The following DOCK4 variants were observed in gnomAD, a reference collection of about 807,000 sequenced individuals.
DOCK4 encodes dedicator of cytokinesis protein 4.
Under a neutral mutation model 268.1 loss-of-function variants are expected in DOCK4, and 97 were observed. That is an observed-to-expected ratio of 0.36 (90% CI 0.31 to 0.43). DOCK4 has a LOEUF of 0.43. Among genes scored for constraint, DOCK4 ranks in the 20% least tolerant of loss-of-function variants. The pLI is 1.00. For missense variants in DOCK4, 2,145 were observed against 2,455.7 expected (o/e 0.87, Z 2.67); for synonymous variants, 954 against 887.2 (o/e 1.08, Z -1.34).
chr7:111,747,975 C>A (rs1417648834), intron 42 of DOCK4, among the ~76,000 whole-genome samples: 1 of 152,088 alleles, frequency 6.6e-6, no homozygotes, highest in East Asian at 1.9e-4. Flanking sequence ...GGATGGCACA[C>A]AGTTGGGAAT....
In DOCK4 at chr7:111,920,921, T is replaced by C. The variant is rs376571159; in HGVS notation, c.1067-5017A>G. Among the ~76,000 whole-genome samples, 16 of 152,236 alleles carry C rather than the reference T, an allele frequency of 1.1e-4. No individual in the cohort carries two copies. In the East Asian group the frequency reaches 2.7e-3, roughly 26 times the overall value. The stretch of plus-strand genomic sequence containing the variant: ...TTTTATTGGAATTTATGACAACCTG[T>C]AAAATTAGATTAAATCTGAATTTCA... On this transcript the variant is annotated intron_variant, in intron 12 of 52. Coordinates refer to ENST00000428084, the MANE Select transcript of DOCK4 (RefSeq NM_001363540.2).
At chr7:112,205,975 C>T in intron 1 of DOCK4, 127 bp downstream of exon 1, 2 of 1,086,396 alleles carry the variant, frequency 1.8e-6, no homozygotes, top group Non-Finnish European at 2.7e-6. Flanking sequence ...AAGCCCCGTA[C>T]CAGCTGCGCG....
intron 1 of DOCK4, among the ~76,000 whole-genome samples, chr7:112,190,478 G>A (rs577381282): frequency 1.3e-5 from 2 of 152,110 alleles, no homozygotes; most frequent in Non-Finnish European, 2.9e-5. Context: ...GTCAGCCCAG[G>A]AAGCATTTCA....
intron 23 of DOCK4, among the ~76,000 whole-genome samples, chr7:111,854,095 T>C (rs1804809258): frequency 1.3e-5 from 2 of 152,104 alleles, no homozygotes. Context: ...TGCACCTGGC[T>C]AATTTTTATA....
chr7:112,047,281 A>G (rs1240812190), intron 1 of DOCK4, among the ~76,000 whole-genome samples: 1 of 152,224 alleles, frequency 6.6e-6, no homozygotes, highest in African/African-American at 2.4e-5. Context: ...GAGTATTTAC[A>G]GATATTCAAA....
intron 1 of DOCK4, among the ~76,000 whole-genome samples, chr7:112,183,812 T>C (rs972881628): frequency 2.6e-5 from 4 of 152,244 alleles, no homozygotes; most frequent in South Asian, 4.1e-4. Flanking sequence ...GAGTAATCCA[T>C]GTGCGGTTTC....
intron 30 of DOCK4, among the ~76,000 whole-genome samples, chr7:111,797,407 G>A (rs1799977262): frequency 6.6e-6 from 1 of 152,198 alleles, no homozygotes; most frequent in Non-Finnish European, 1.5e-5. Flanking sequence ...TAGGTATATA[G>A]AAGTTTTCCA....
intron 36 of DOCK4, among the ~76,000 whole-genome samples, chr7:111,770,742 C>T (rs1009595741): frequency 6.6e-6 from 1 of 152,226 alleles, no homozygotes; most frequent in Admixed American, 6.5e-5. Context: ...AACTCCACCT[C>T]AGGTTTCTCA....
intron 1 of DOCK4, among the ~76,000 whole-genome samples, chr7:112,045,546 C>A (rs923230884): frequency 2.0e-5 from 3 of 152,182 alleles, no homozygotes; most frequent in Non-Finnish European, 4.4e-5. Flanking sequence ...AACAACTCAG[C>A]AAATAATTTA....
intron 8 of DOCK4, among the ~76,000 whole-genome samples, chr7:111,952,093 G>GA (rs201768009): frequency 0.029 from 3,148 of 107,484 alleles, 38 homozygotes; most frequent in Middle Eastern, 0.042. Context: ...CCCTGTCTGC[G>GA]AAAAAAAAAA....
chr7:112,018,179 A>AAAAAAAAAAAAAAAAAAAAAAAAAC, intron 1 of DOCK4, among the ~76,000 whole-genome samples: 1 of 72,630 alleles, frequency 1.4e-5, no homozygotes, highest in East Asian at 4.0e-4. Context: ...AAAAAAAAAA[A>AAAAAAAAAAAAAAAAAAAAAAAAAC]ACACAGGCAA....
chr7:111,790,318 G>T, intron 31 of DOCK4, 139 bp downstream of exon 31: 2 of 913,490 alleles, frequency 2.2e-6, no homozygotes, highest in Non-Finnish European at 3.2e-6. Flanking sequence ...TGTGTGGCTT[G>T]GGAGTGGATA....
chr7:111,770,350 A>C (rs757931359), intron 36 of DOCK4, among the ~76,000 whole-genome samples: 2 of 151,688 alleles, frequency 1.3e-5, no homozygotes, highest in Non-Finnish European at 2.9e-5. Flanking sequence ...TGTGAGAGAG[A>C]AAGAACCGTT....
intron 9 of DOCK4, 43 bp from the exon 10 acceptor site, chr7:111,944,914 G>A (rs758701339): frequency 1.3e-6 from 2 of 1,530,312 alleles, no homozygotes; most frequent in Admixed American, 1.7e-5. Flanking sequence ...GACATGAGCG[G>A]CACTTAAAGG....
Position 111,809,221 on chromosome 7 carries a change from G to A in DOCK4, c.3107+80C>T, listed in dbSNP as rs140014897. 303 of 1,142,218 alleles carry A rather than the reference G, an allele frequency of 2.7e-4. 1 individual carries two copies. The East Asian group carries it at 6.9e-3, about 26-fold the overall frequency. The allele number at this position is 1,142,218 out of a possible 1,614,324, so 70.8% of individuals were successfully genotyped here. A position where few individuals can be genotyped will look rare whatever the true frequency, so the allele number is the denominator to read the frequency against. On this transcript the variant is annotated intron_variant, in intron 29 of 52. Coordinates refer to ENST00000428084, the MANE Select transcript of DOCK4 (RefSeq NM_001363540.2). ...TTCACTGTGTGATTTCCAGTTATGC[G>A]CATTCTGATTTATGAATCATTTGAA...
chr7:112,094,823 G>A (rs1281772465), intron 1 of DOCK4, among the ~76,000 whole-genome samples: 7 of 152,054 alleles, frequency 4.6e-5, no homozygotes, highest in Non-Finnish European at 7.4e-5. Flanking sequence ...AGATATGGTC[G>A]TTTAAAAATG....
rs535265882 is a variant in DOCK4 at position 111,779,561 on chromosome 7, C to T, written c.3586-1192G>A. Among the ~76,000 whole-genome samples, 45 of 152,218 alleles carry T rather than the reference C, an allele frequency of 3.0e-4. No individual in the cohort carries two copies. The South Asian group carries it at 9.1e-3, about 31-fold the overall frequency. On this transcript the variant is annotated intron_variant, in intron 35 of 52. Transcript: ENST00000428084. ...TACAGGTGTGCATCACCACACCCAG[C>T]TAAGAATTTTTAGTAGAGATGGGGT... is the stretch of plus-strand genomic sequence containing the variant.
At chr7:112,181,499 A>T (rs1819029802) in intron 1 of DOCK4, among the ~76,000 whole-genome samples, 1 of 151,990 alleles carries the variant, frequency 6.6e-6, no homozygotes, top group Non-Finnish European at 1.5e-5. Flanking sequence ...CTACAAAAAA[A>T]TTTAAAAATT....
At chr7:111,900,697 C>G (rs73424350) in intron 14 of DOCK4, among the ~76,000 whole-genome samples, 161 bp from the exon 15 acceptor site, 1 of 152,176 alleles carries the variant, frequency 6.6e-6, no homozygotes, top group African/African-American at 2.4e-5. Context: ...TGCTGCTTAG[C>G]GGGGTGTATC....
Sources: gnomAD v4.1 joint callset for allele counts (sites outside exome capture counted in the v4.1 genomes callset) on GRCh38, gnomAD v4.1.1 for gene constraint, MANE v1.5 for transcripts, NCBI Gene and HGNC (gene_info 2026-07-23, HGNC 2026-07-21) for gene names.